Variants in TBL1X observed in about 807,000 individuals in gnomAD.
TBL1X encodes the protein F-box-like/WD repeat-containing protein TBL1X.
In TBL1X, 10 loss-of-function variants were observed where a neutral mutation model predicts 50.7. The observed-to-expected ratio is 0.20, with a 90% CI of 0.12 to 0.33. TBL1X has a LOEUF of 0.33. Among genes scored for constraint, TBL1X ranks in the 10% least tolerant of loss-of-function variants. The pLI, the probability that TBL1X is intolerant of heterozygous loss-of-function variation, is 1.00. For missense variants in TBL1X, 340 were observed against 504.4 expected (o/e 0.67, Z 3.12); for synonymous variants, 190 against 214.7 (o/e 0.88, Z 1.01).
chrX:9,634,130 G>A (rs1176272582), intron 2 of TBL1X, among the ~76,000 whole-genome samples: 2 of 111,682 alleles, frequency 1.8e-5, no homozygotes, highest in African/African-American at 3.3e-5. Context: ...TTGCACTCAC[G>A]ACGCACAATA....
At chrX:9,682,203 G>C (rs906170535) in intron 5 of TBL1X, among the ~76,000 whole-genome samples, 3 of 111,969 alleles carry the variant, frequency 2.7e-5, no homozygotes, top group Non-Finnish European at 5.6e-5. Context: ...TGGTAGGAGT[G>C]GGTAGGAGAA....
chrX:9,710,608 C>T (rs961127363), intron 15 of TBL1X, among the ~76,000 whole-genome samples: 1 of 111,759 alleles, frequency 8.9e-6, no homozygotes, highest in African/African-American at 3.3e-5. Flanking sequence ...CTAATGGGTC[C>T]CTGTTGAAAG....
chrX:9,688,370 T>C lies in TBL1X; in HGVS notation c.616+95T>C, dbSNP rs985234301. On this transcript the variant is annotated intron_variant, in intron 7 of 17. Transcript: ENST00000645353. ...AATGCCTTCTTAAAAACCTGCCTGC[T>C]ATAAATGTCTTAGAAGCTGCTCTCT... The C allele has an allele frequency of 2.7e-5, 21 of 787,032 alleles. No homozygotes were observed. In the African/African-American group the frequency reaches 2.8e-4, roughly 10 times the overall value. 64.9% of individuals were successfully genotyped at this position (787,032 alleles called of 1,213,427 possible). A position where few individuals can be genotyped will look rare whatever the true frequency, so the allele number is the denominator to read the frequency against.
At chrX:9,478,876 TAG>T (rs2081863857) in intron 1 of TBL1X, among the ~76,000 whole-genome samples, 1 of 112,647 alleles carries the variant, frequency 8.9e-6, no homozygotes, top group Non-Finnish European at 1.9e-5. Context: ...TCCATCCCCT[TAG>T]TTAAGGCTTA....
chrX:9,560,574 G>A (rs993379523), intron 2 of TBL1X: 1 of 111,141 alleles, frequency 9.0e-6, no homozygotes, highest in Non-Finnish European at 1.9e-5. Flanking sequence ...GGGTGAGGTG[G>A]GCCATTGTAG....
chrX:9,492,679 G>C lies in TBL1X; in HGVS notation c.-200-9101G>C, dbSNP rs549611451. 4.7e-4 allele frequency among the ~76,000 whole-genome samples: 52 copies of C among 111,347 alleles called. No individual in the cohort carries two copies. The South Asian group carries it at 0.019, about 40-fold the overall frequency. The stretch of plus-strand genomic sequence containing the variant: ...TGCGGTGTTTGTGACTTGTGCCAGA[G>C]GCCTTGAGCTAGAGGCAACATAAGA... On this transcript the variant is annotated intron_variant, in intron 1 of 17. Transcript: ENST00000645353.
chrX:9,658,615 A>G (rs779269091), intron 5 of TBL1X, among the ~76,000 whole-genome samples: 4 of 111,672 alleles, frequency 3.6e-5, no homozygotes, highest in Non-Finnish European at 7.5e-5. Context: ...TCCAAACTAT[A>G]AAGAAAACAT....
At chrX:9,527,489 T>G (rs2082138628) in intron 2 of TBL1X, among the ~76,000 whole-genome samples, 1 of 111,913 alleles carries the variant, frequency 8.9e-6, no homozygotes, top group African/African-American at 3.3e-5. Context: ...TTTATTTGTG[T>G]GTATGTATAT....
rs760140982 is a variant in TBL1X, at chrX:9,554,227, C to T, written c.-131+52378C>T. Among the ~76,000 whole-genome samples, 5 of 112,341 alleles carry T rather than the reference C, an allele frequency of 4.5e-5. No homozygotes were observed. The East Asian group carries it at 1.4e-3, about 31-fold the overall frequency. Reference sequence around the variant, plus strand: ...TACCATCACTTTCCAAGCTTTTTGTCCTATGTGACAACAGAAAATTGAATT... The same window carrying T: ...TACCATCACTTTCCAAGCTTTTTGTTCTATGTGACAACAGAAAATTGAATT... On this transcript the variant is annotated intron_variant, in intron 2 of 17. Coordinates refer to ENST00000645353, the MANE Select transcript of TBL1X (RefSeq NM_005647.4).
At chrX:9,661,530 AAAAG>A (rs1056438483) in intron 5 of TBL1X, among the ~76,000 whole-genome samples, 16 of 111,507 alleles carry the variant, frequency 1.4e-4, no homozygotes, top group African/African-American at 4.6e-4. Context: ...GTCTGAAAAA[AAAAG>A]AAAGAGTCTT....
At chrX:9,519,827 A>G (rs967385822) in intron 2 of TBL1X, among the ~76,000 whole-genome samples, 12 of 112,230 alleles carry the variant, frequency 1.1e-4, no homozygotes, top group Non-Finnish European at 1.1e-4. Context: ...GCTAGAATTC[A>G]AAAACGGCAG....
chrX:9,682,372 T>A (rs2083030435), intron 5 of TBL1X, among the ~76,000 whole-genome samples: 1 of 112,212 alleles, frequency 8.9e-6, no homozygotes, highest in Non-Finnish European at 1.9e-5. Context: ...GCAGTTATAG[T>A]TCTGTAAAGA....
chrX:9,685,204 A>G (rs2083050207), intron 6 of TBL1X, among the ~76,000 whole-genome samples: 1 of 112,008 alleles, frequency 8.9e-6, no homozygotes, highest in South Asian at 3.7e-4. Flanking sequence ...GTCCCCTCCT[A>G]TTCTGGTCTC....
At chrX:9,656,846 C>G (rs1213611653) in intron 5 of TBL1X, among the ~76,000 whole-genome samples, 2 of 112,143 alleles carry the variant, frequency 1.8e-5, no homozygotes, top group Non-Finnish European at 3.8e-5. Flanking sequence ...GTCTCAAGTC[C>G]TAAAGTTTTG....
intron 5 of TBL1X, among the ~76,000 whole-genome samples, chrX:9,675,226 G>A (rs2082986206): frequency 1.8e-5 from 2 of 111,559 alleles, no homozygotes. Flanking sequence ...AAAGTAAGAA[G>A]AGCACTTCAA....
intron 2 of TBL1X, among the ~76,000 whole-genome samples, chrX:9,627,265 C>G (rs2082697304): frequency 8.9e-6 from 1 of 111,925 alleles, no homozygotes; most frequent in African/African-American, 3.3e-5. Flanking sequence ...GACCCACCTA[C>G]TTGGTCTTCA....
At chrX:9,490,649 G>A (rs1024784837) in intron 1 of TBL1X, among the ~76,000 whole-genome samples, 4 of 112,120 alleles carry the variant, frequency 3.6e-5, no homozygotes, top group Admixed American at 9.5e-5. Flanking sequence ...AAGTAGACAC[G>A]GACACATCTA....
chrX:9,697,876 G>A (rs2083142176), intron 12 of TBL1X, among the ~76,000 whole-genome samples: 1 of 112,042 alleles, frequency 8.9e-6, no homozygotes, highest in Middle Eastern at 4.6e-3. Flanking sequence ...TTGAGCCCAG[G>A]GGTTCTAGAC....
At chrX:9,646,131 C>G (rs1330185424) in intron 3 of TBL1X, among the ~76,000 whole-genome samples, 2 of 112,715 alleles carry the variant, frequency 1.8e-5, no homozygotes, top group African/African-American at 3.2e-5. Flanking sequence ...ATAGCACTCA[C>G]ACCTGATAGC....
Sources: allele counts gnomAD v4.1 joint callset (sites outside exome capture counted in the v4.1 genomes callset), GRCh38; gene constraint gnomAD v4.1.1; transcripts MANE v1.5; gene names NCBI Gene and HGNC (gene_info 2026-07-23, HGNC 2026-07-21).